DGLUCY: variants seen among roughly 807,000 people sequenced by gnomAD.
DGLUCY encodes D-glutamate cyclase.
Under a neutral mutation model 58.5 loss-of-function variants are expected in DGLUCY, and 58 were observed. That is an observed-to-expected ratio of 0.99 (90% CI 0.80 to 1.23). The LOEUF is 1.23. Among genes scored for constraint, DGLUCY ranks in the 50% most tolerant of loss-of-function variants. The probability of loss-of-function intolerance (pLI) is 0.00; values close to 1 mark genes in which losing one functional copy is unlikely to be tolerated. For missense variants in DGLUCY, 779 were observed against 784.7 expected, an observed-to-expected ratio of 0.99 and a Z score of 0.09; for synonymous variants, 325 against 314.1, an observed-to-expected ratio of 1.03 and a Z score of -0.37.
chr14:91,129,103 C>G (rs1212101883), intron 1 of DGLUCY, among the ~76,000 whole-genome samples: 45 of 149,650 alleles, frequency 3.0e-4, no homozygotes, highest in Admixed American at 3.0e-3. Flanking sequence ...GGACCCAGTT[C>G]TATTCCTGCA....
rs150776931 is a variant in DGLUCY at position 91,189,314 on chromosome 14, C to T, written c.1195+144C>T. The stretch of plus-strand genomic sequence containing the variant: ...AAGCTGCATAGCTTGATTTCATAGA[C>T]GAAGAGACTGAGGCTCTGAGAGATC... On this transcript the variant is annotated intron_variant, in intron 9 of 13. Coordinates refer to ENST00000256324, the MANE Select transcript of DGLUCY (RefSeq NM_001102368.3). The T allele has an allele frequency of 1.6e-5, 18 of 1,150,776 alleles. No individual in the cohort carries two copies. The East Asian group carries it at 2.0e-4, about 13-fold the overall frequency. 71.3% of individuals were successfully genotyped at this position (1,150,776 alleles called of 1,614,324 possible). A position where few individuals can be genotyped will look rare whatever the true frequency, so the allele number is the denominator to read the frequency against.
At chr14:91,222,037 C>G (rs1409007097) in intron 13 of DGLUCY, among the ~76,000 whole-genome samples, 2 of 152,208 alleles carry the variant, frequency 1.3e-5, no homozygotes, top group Non-Finnish European at 2.9e-5. Flanking sequence ...CATCCAAGCC[C>G]TGTCTACTCT....
chr14:91,179,943 G>T, intron 7 of DGLUCY, among the ~76,000 whole-genome samples: 1 of 125,850 alleles, frequency 7.9e-6, no homozygotes, highest in Admixed American at 9.2e-5. Context: ...CTAGGCTGGA[G>T]TGCAGTGACG....
At chr14:91,126,440 C>A (rs1429809149) in intron 1 of DGLUCY, 1 of 224,840 alleles carries the variant, frequency 4.4e-6, no homozygotes, top group Admixed American at 4.1e-5. Flanking sequence ...GTGCTCAGAG[C>A]AGGGGGCCCG....
intron 1 of DGLUCY, among the ~76,000 whole-genome samples, chr14:91,082,799 G>T (rs903508112): frequency 7.9e-5 from 12 of 152,110 alleles, no homozygotes; most frequent in African/African-American, 2.9e-4. Context: ...TGTCACCCAG[G>T]TTGGAGTACA....
chr14:91,086,708 T>C (rs2044227510), intron 1 of DGLUCY, among the ~76,000 whole-genome samples: 1 of 152,206 alleles, frequency 6.6e-6, no homozygotes, highest in African/African-American at 2.4e-5. Context: ...CAGGTGAGCT[T>C]TGAGGGCTAG....
At chr14:91,081,055 T>C (rs1032137947) in intron 1 of DGLUCY, among the ~76,000 whole-genome samples, 2 of 152,076 alleles carry the variant, frequency 1.3e-5, no homozygotes, top group African/African-American at 4.8e-5. Flanking sequence ...TACAAAAAAT[T>C]AGCTGGGCAT....
At chr14:91,080,474 G>A (rs886857567) in intron 1 of DGLUCY, among the ~76,000 whole-genome samples, 17 of 152,104 alleles carry the variant, frequency 1.1e-4, no homozygotes, top group African/African-American at 4.1e-4. Flanking sequence ...AGGTTCAAGC[G>A]ATTCTCCTGC....
intron 1 of DGLUCY, among the ~76,000 whole-genome samples, chr14:91,081,216 A>C (rs906455458): frequency 2.3e-5 from 3 of 130,602 alleles, no homozygotes; most frequent in Admixed American, 7.6e-5. Flanking sequence ...AAAAAAACAA[A>C]AAAAAAAGCA....
At chr14:91,086,492 T>G (rs1364004385) in intron 1 of DGLUCY, among the ~76,000 whole-genome samples, 1 of 152,172 alleles carries the variant, frequency 6.6e-6, no homozygotes, top group African/African-American at 2.4e-5. Flanking sequence ...TCAAATACAA[T>G]GTAAATGCTA....
chr14:91,143,088 G>GTTTTGT (rs1202339354), intron 1 of DGLUCY, among the ~76,000 whole-genome samples: 5 of 143,886 alleles, frequency 3.5e-5, no homozygotes, highest in African/African-American at 1.0e-4. Flanking sequence ...TTTTTGTTTT[G>GTTTTGT]TTTTGTTTTT....
At chr14:91,207,914 T>C (rs962355560) in intron 12 of DGLUCY, among the ~76,000 whole-genome samples, 4 of 152,032 alleles carry the variant, frequency 2.6e-5, no homozygotes, top group African/African-American at 9.7e-5. Context: ...GCCCTGCTAA[T>C]TTTGTATTTT....
At chr14:91,118,103 C>G (rs566598130) in intron 1 of DGLUCY, among the ~76,000 whole-genome samples, 3 of 107,756 alleles carry the variant, frequency 2.8e-5, no homozygotes, top group South Asian at 6.9e-4. Flanking sequence ...TTTTTTTAGA[C>G]GGAGTCTCAC....
At chr14:91,133,709 A>G (rs1263784359) in intron 1 of DGLUCY, among the ~76,000 whole-genome samples, 6 of 152,280 alleles carry the variant, frequency 3.9e-5, no homozygotes, top group Admixed American at 3.9e-4. Flanking sequence ...TTTCTGAGGA[A>G]CAGCCATACT....
intron 8 of DGLUCY, among the ~76,000 whole-genome samples, chr14:91,185,282 T>TC (rs1442962435): frequency 7.6e-6 from 1 of 130,970 alleles, no homozygotes; most frequent in Non-Finnish European, 1.6e-5. Flanking sequence ...TTTTTTTTTT[T>TC]TTTTTTTTTT....
intron 5 of DGLUCY, among the ~76,000 whole-genome samples, 186 bp from the exon 6 acceptor site, chr14:91,173,102 TC>T (rs1176805338): frequency 1.3e-5 from 2 of 152,036 alleles, no homozygotes; most frequent in Admixed American, 1.3e-4. Flanking sequence ...AAGTTAAGAT[TC>T]CCTATTTTAA....
chr14:91,086,048 C>G (rs1469783843), intron 1 of DGLUCY, among the ~76,000 whole-genome samples: 1 of 152,108 alleles, frequency 6.6e-6, no homozygotes, highest in Admixed American at 6.6e-5. Context: ...TGGTGGCATT[C>G]GATTCTCAGG....
chr14:91,072,557 A>G (rs919070218), intron 1 of DGLUCY, among the ~76,000 whole-genome samples: 16 of 151,822 alleles, frequency 1.1e-4, no homozygotes, highest in African/African-American at 3.6e-4. Context: ...ATAAAATTCC[A>G]TTGTTATCTA....
rs574013807 is a variant in DGLUCY, at chr14:91,143,585, A to G, written c.-81-14054A>G. Among the ~76,000 whole-genome samples the G allele has an allele frequency of 1.6e-3, 237 of 152,284 alleles. 2 individuals carry two copies. The highest frequency in any genetic ancestry group is 5.6e-3 in the African/African-American group (231 of 41,558). On this transcript the variant is annotated intron_variant, in intron 1 of 13. Coordinates refer to ENST00000256324, the MANE Select transcript of DGLUCY (RefSeq NM_001102368.3). ...GACAGCAAATCTATGTTTGGCAAGG[A>G]ATGGGATGGAGACTTCTTCCCACCT... is the stretch of plus-strand genomic sequence containing the variant.
Sources: gnomAD v4.1 joint callset for allele counts (sites outside exome capture counted in the v4.1 genomes callset) on GRCh38, gnomAD v4.1.1 for gene constraint, MANE v1.5 for transcripts, NCBI Gene and HGNC (gene_info 2026-07-23, HGNC 2026-07-21) for gene names.